The following FRRS1 variants were observed in gnomAD, a reference collection of about 807,000 sequenced individuals.
The protein encoded by FRRS1 is ferric chelate reductase 1.
A neutral mutation model predicts 70.7 loss-of-function variants in FRRS1; 51 were observed. That is an observed-to-expected ratio of 0.72 (90% CI 0.58 to 0.91). FRRS1 has a LOEUF of 0.91. Among genes scored for constraint, FRRS1 ranks in the 40% least tolerant of loss-of-function variants. The pLI is 0.00. For synonymous variants in FRRS1, 225 were observed against 238.7 expected, an observed-to-expected ratio of 0.94 and a Z score of 0.53; for missense variants, 672 against 726.0, an observed-to-expected ratio of 0.93 and a Z score of 0.86.
intron 7 of FRRS1, among the ~76,000 whole-genome samples, chr1:99,734,878 T>A (rs1655570697): frequency 6.6e-6 from 1 of 152,100 alleles, no homozygotes. Flanking sequence ...GAAATCACAG[T>A]CTGGAGTCCA....
rs1334693732 is a variant in FRRS1, at chr1:99,729,737, A to G, written c.771T>C (p.Asp257=). Residue 257 remains aspartate (D), a synonymous_variant, in exon 8 of 17, where the codon GAT becomes GAC. Coordinates refer to ENST00000646001, the MANE Select transcript of FRRS1 (RefSeq NM_001361041.2). ...GATCTTCATGAATACACAGATAAGC[A>G]TCATCATCACCCTGAAAAACAATTG... is the stretch of plus-strand genomic sequence containing the variant. ...LSHDQWMGDD[D]AYLCIHEDQT... The G allele has an allele frequency of 1.2e-6, 2 of 1,608,424 alleles. No homozygotes were observed. The highest frequency in any genetic ancestry group is 8.5e-7 in the Non-Finnish European group (1 of 1,175,172).
intron 6 of FRRS1, among the ~76,000 whole-genome samples, chr1:99,739,656 T>C (rs1417187364): frequency 6.6e-6 from 1 of 152,198 alleles, no homozygotes; most frequent in East Asian, 1.9e-4. Context: ...GGAACTAATG[T>C]TTACTGAATA....
At chr1:99,759,104 G>A (rs948868178) in intron 1 of FRRS1, among the ~76,000 whole-genome samples, 5 of 152,190 alleles carry the variant, frequency 3.3e-5, no homozygotes, top group Non-Finnish European at 5.9e-5. Flanking sequence ...CCTTTGTCCT[G>A]TTCCCTCAGA....
intron 6 of FRRS1, 45 bp downstream of exon 6, chr1:99,740,748 A>G (rs373254484): frequency 1.6e-5 from 22 of 1,369,860 alleles, no homozygotes; most frequent in Admixed American, 1.5e-4. Flanking sequence ...CCTGGGCAAC[A>G]TGGTGAAACC....
intron 7 of FRRS1, among the ~76,000 whole-genome samples, chr1:99,736,227 G>T (rs1210626938): frequency 6.6e-6 from 1 of 152,070 alleles, no homozygotes; most frequent in Admixed American, 6.5e-5. Context: ...TATGCTACAG[G>T]TCTGATGGCA....
At chr1:99,756,673 G>A (rs1009996442) in intron 1 of FRRS1, among the ~76,000 whole-genome samples, 1 of 152,020 alleles carries the variant, frequency 6.6e-6, no homozygotes, top group Non-Finnish European at 1.5e-5. Context: ...AAAATAAATC[G>A]GTCATTAAAC....
chr1:99,764,026 C>A (rs1657239507), intron 1 of FRRS1, among the ~76,000 whole-genome samples: 1 of 152,054 alleles, frequency 6.6e-6, no homozygotes, highest in African/African-American at 2.4e-5. Context: ...ACTTGCTAAA[C>A]GTTAACAAAA....
chr1:99,750,537 T>A (rs1450686681), intron 1 of FRRS1, among the ~76,000 whole-genome samples: 1 of 152,108 alleles, frequency 6.6e-6, no homozygotes, highest in Non-Finnish European at 1.5e-5. Flanking sequence ...AGATGGAAAT[T>A]CTCAGAACCA....
chr1:99,750,977 T>C (rs1310161610), intron 1 of FRRS1, among the ~76,000 whole-genome samples: 3 of 152,176 alleles, frequency 2.0e-5, no homozygotes, highest in Non-Finnish European at 4.4e-5. Flanking sequence ...TCTGGAAGTG[T>C]CTATGAATGT....
At chr1:99,714,249 T>C (rs1191063085) in intron 12 of FRRS1, among the ~76,000 whole-genome samples, 2 of 151,580 alleles carry the variant, frequency 1.3e-5, no homozygotes, top group African/African-American at 2.4e-5. Flanking sequence ...AGTGGTGCGA[T>C]CTCAGCTCAC....
At chr1:99,746,359 C>T (rs890228624) in intron 4 of FRRS1, among the ~76,000 whole-genome samples, 3 of 152,100 alleles carry the variant, frequency 2.0e-5, no homozygotes, top group Admixed American at 1.3e-4. Context: ...AAGATACTAT[C>T]GTTATTATAG....
chr1:99,746,649 G>A (rs1012208673), intron 4 of FRRS1, among the ~76,000 whole-genome samples: 4 of 152,232 alleles, frequency 2.6e-5, no homozygotes, highest in African/African-American at 9.6e-5. Flanking sequence ...GGACTATGGA[G>A]AAGAAGCAGT....
In FRRS1 at chr1:99,712,494, G is replaced by A. The variant is rs1181364831; in HGVS notation, c.1345C>T (p.Leu449Phe). Residue 449 changes from leucine to phenylalanine, a missense_variant, in exon 13 of 17, where the codon CTC becomes TTC. Leu to Phe is a conservative substitution (Grantham distance 22, BLOSUM62 0). Coordinates refer to ENST00000646001, the MANE Select transcript of FRRS1 (RefSeq NM_001361041.2). ...GCCAAAGTCATCACTATACAGCCGA[G>A]GTATGGGTGGTAACCTGCATGCTAA... ...WSRHAGYHPY[L>F]GCIVMTLAVL... is the part of the protein sequence containing the mutation. 8.1e-6 allele frequency: 13 copies of A among 1,608,694 alleles called. No homozygotes were observed. The highest frequency in any genetic ancestry group is 1.3e-5 in the African/African-American group (1 of 74,674).
rs768132679 is a variant in FRRS1, at chr1:99,742,219, A to G, written c.388T>C (p.Trp130Arg). ...TTTGGAGCACTGCTTGGAGCATTCC[A>G]GTAGACTTTAATTTCTGTTTTTTTA... ...ASKKTEIKVY[W>R]NAPSSAPNHT... The change falls in exon 5 of 17, where the codon TGG becomes CGG. Residue 130 changes from tryptophan (W) to arginine (R), a missense_variant. Physicochemically the swap from Trp to Arg is moderately radical, Grantham distance 101 (BLOSUM62 -3). Transcript: ENST00000646001. 2.5e-6 allele frequency: 4 copies of G among 1,612,204 alleles called. No homozygotes were observed. The highest frequency in any genetic ancestry group is 1.1e-5 in the South Asian group (1 of 91,030).
intron 10 of FRRS1, among the ~76,000 whole-genome samples, chr1:99,718,652 G>A (rs1444524159): frequency 6.6e-6 from 1 of 152,024 alleles, no homozygotes; most frequent in East Asian, 1.9e-4. Flanking sequence ...TTAGGCTACT[G>A]TTCTTGAACT....
intron 5 of FRRS1, among the ~76,000 whole-genome samples, chr1:99,741,919 C>T (rs1339672030): frequency 6.6e-6 from 1 of 152,218 alleles, no homozygotes; most frequent in Non-Finnish European, 1.5e-5. Flanking sequence ...TGTGTTATTA[C>T]TATACCAAAG....
intron 4 of FRRS1, among the ~76,000 whole-genome samples, chr1:99,744,969 C>CAAAAAAAA (rs71075450): frequency 4.6e-4 from 42 of 91,762 alleles, no homozygotes; most frequent in East Asian, 1.4e-3. Context: ...GACTCCGTCT[C>CAAAAAAAA]AAAAAAAAAA....
intron 7 of FRRS1, among the ~76,000 whole-genome samples, chr1:99,736,955 C>CA (rs1655704841): frequency 6.6e-6 from 1 of 152,034 alleles, no homozygotes; most frequent in African/African-American, 2.4e-5. Flanking sequence ...ACAGCCATGT[C>CA]AGAGTTCCTT....
intron 9 of FRRS1, among the ~76,000 whole-genome samples, chr1:99,723,802 G>T (rs1557689040): frequency 6.6e-6 from 1 of 152,110 alleles, no homozygotes; most frequent in Non-Finnish European, 1.5e-5. Flanking sequence ...CAAAAAAATG[G>T]TGTTAGGACA....
Sources: gnomAD v4.1 joint callset for allele counts (sites outside exome capture counted in the v4.1 genomes callset) on GRCh38, gnomAD v4.1.1 for gene constraint, MANE v1.5 for transcripts, NCBI Gene and HGNC (gene_info 2026-07-23, HGNC 2026-07-21) for gene names.